ARID5B: variants seen among roughly 807,000 people sequenced by gnomAD.
ARID5B encodes the protein AT-rich interaction domain 5B, also known as AT-rich interactive domain-containing protein 5B.
A neutral mutation model predicts 97.2 loss-of-function variants in ARID5B; 13 were observed. The ratio of observed to expected loss-of-function variants is 0.13; its 90% CI spans 0.09 to 0.21. The LOEUF is 0.21. Ranked by LOEUF, ARID5B falls within the 10% of genes least tolerant of loss-of-function variation. ARID5B has a pLI of 1.00. For missense variants in ARID5B, 1,210 were observed against 1,465.3 expected (o/e 0.83, Z 2.84); for synonymous variants, 556 against 570.3 (o/e 0.97, Z 0.36).
chr10:61,982,621 G>A (rs918314171), intron 3 of ARID5B, among the ~76,000 whole-genome samples: 5 of 152,214 alleles, frequency 3.3e-5, no homozygotes, highest in Admixed American at 6.5e-5. Flanking sequence ...ATAAAAGAGC[G>A]TCCTAGCCCA....
At chr10:62,053,464 A>G (rs943651793) in intron 5 of ARID5B, among the ~76,000 whole-genome samples, 2 of 152,340 alleles carry the variant, frequency 1.3e-5, no homozygotes, top group African/African-American at 2.4e-5. Context: ...AGAGAATTAC[A>G]TGGCTCCCCA....
chr10:61,962,639 G>T (rs1345556521), intron 3 of ARID5B, among the ~76,000 whole-genome samples: 1 of 152,182 alleles, frequency 6.6e-6, no homozygotes, highest in Non-Finnish European at 1.5e-5. Flanking sequence ...GCATTCTGCC[G>T]TTGGCTAGAA....
chr10:61,945,770 G>A (rs1351218090), intron 3 of ARID5B, among the ~76,000 whole-genome samples: 2 of 151,946 alleles, frequency 1.3e-5, no homozygotes, highest in African/African-American at 4.8e-5. Context: ...GGTATTATTA[G>A]TACATTATTA....
At chr10:61,904,820 G>C (rs771116737) in intron 2 of ARID5B, among the ~76,000 whole-genome samples, 1 of 152,212 alleles carries the variant, frequency 6.6e-6, no homozygotes, top group Non-Finnish European at 1.5e-5. Context: ...AGACTGCATT[G>C]TGCAAAATAA....
Position 62,071,323 on chromosome 10 carries a change from C to G in ARID5B, c.1199+1526C>G, listed in dbSNP as rs1212425530. On this transcript the variant is annotated intron_variant, in intron 8 of 9. Transcript: ENST00000279873. The stretch of plus-strand genomic sequence containing the variant: ...TGCTGGGATTACAGGCGTGAGCCAC[C>G]ACACCCAGCCAGAACATTTTTACTA... Among the ~76,000 whole-genome samples, 4 of 152,206 alleles carry G rather than the reference C, an allele frequency of 2.6e-5. No homozygotes were observed. The East Asian group carries it at 7.7e-4, about 29-fold the overall frequency.
intron 4 of ARID5B, among the ~76,000 whole-genome samples, chr10:62,011,470 C>A (rs989735445): frequency 2.6e-5 from 4 of 151,910 alleles, no homozygotes; most frequent in Admixed American, 6.5e-5. Flanking sequence ...TAGAACAAAC[C>A]CAGGGACTGT....
rs1163603778 is a variant in ARID5B, at chr10:62,092,853, T to A, written c.3390T>A (p.Ile1130=). 4 of 1,614,208 alleles carry A rather than the reference T, an allele frequency of 2.5e-6. No homozygotes were observed. The highest frequency in any genetic ancestry group is 3.4e-6 in the Non-Finnish European group (4 of 1,180,038). The change falls in exon 10 of 10, where the codon ATT becomes ATA. Residue 1130 remains isoleucine, a synonymous_variant. Coordinates refer to ENST00000279873, the MANE Select transcript of ARID5B (RefSeq NM_032199.3). ...AFHSLVMQRG[I]FTSPTNSQQL... ...ACTCGCTTGTGATGCAAAGAGGAATTTTTACATCACCGACAAATTCTCAGC... is the reference window on the plus strand; with the variant it reads ...ACTCGCTTGTGATGCAAAGAGGAATATTTACATCACCGACAAATTCTCAGC...
rs1214775383 is a variant in ARID5B, at chr10:61,960,354, G to A, written c.502+19946G>A. 1.3e-5 allele frequency among the ~76,000 whole-genome samples: 2 copies of A among 152,084 alleles called. 1 individual carries two copies. Among genetic ancestry groups the A allele is most frequent in the South Asian group, 4.1e-4 (2 of 4,822 alleles). ...AACTCCTTTTGGTAAAGTGGAGCAC[G>A]TTTTGTAATGGAAACACATTTTCTA... is the stretch of plus-strand genomic sequence containing the variant. On this transcript the variant is annotated intron_variant, in intron 3 of 9. Coordinates refer to ENST00000279873, the MANE Select transcript of ARID5B (RefSeq NM_032199.3).
intron 9 of ARID5B, among the ~76,000 whole-genome samples, chr10:62,087,072 G>A (rs946543620): frequency 3.0e-4 from 45 of 152,028 alleles, no homozygotes; most frequent in Admixed American, 6.5e-4. Context: ...AGGCCGAGGC[G>A]GTGGATCACG....
intron 2 of ARID5B, among the ~76,000 whole-genome samples, chr10:61,907,650 G>T (rs1028619003): frequency 6.6e-6 from 1 of 152,258 alleles, no homozygotes; most frequent in African/African-American, 2.4e-5. Context: ...CTACCAAGCA[G>T]GCCTTTTAGA....
At chr10:62,066,100 A>G (rs1839985045) in intron 7 of ARID5B, among the ~76,000 whole-genome samples, 1 of 152,224 alleles carries the variant, frequency 6.6e-6, no homozygotes, top group Admixed American at 6.5e-5. Flanking sequence ...GAGAGAGGAC[A>G]TTGGACAACA....
At chr10:62,069,645 G>C (rs1195531684) in intron 7 of ARID5B, 55 bp from the exon 8 acceptor site, 48 of 1,485,012 alleles carry the variant, frequency 3.2e-5, no homozygotes, top group Non-Finnish European at 4.2e-5. Context: ...ATTGAAGCCT[G>C]GCACTATGAA....
In ARID5B at chr10:62,091,801, C is replaced by G. The variant is rs140019989; in HGVS notation, c.2338C>G (p.Arg780Gly). The change falls in exon 10 of 10, where the codon CGA becomes GGA. Residue 780 changes from arginine (R) to glycine (G), a missense_variant. By Grantham distance (125) the Arg-to-Gly change is moderately radical. Transcript: ENST00000279873. ...CATCTTTAAGCATGAGAAACTGAGT[C>G]GATCAGATCCCCACCGCTGCAGCTT... is the stretch of plus-strand genomic sequence containing the variant. ...NDIFKHEKLS[R>G]SDPHRCSFSK... 83 of 1,614,012 alleles carry G rather than the reference C, an allele frequency of 5.1e-5. No individual in the cohort carries two copies. In the African/African-American group the frequency reaches 9.7e-4, roughly 19 times the overall value.
At chr10:61,992,925 C>A (rs1327165000) in intron 3 of ARID5B, among the ~76,000 whole-genome samples, 1 of 152,196 alleles carries the variant, frequency 6.6e-6, no homozygotes, top group African/African-American at 2.4e-5. Flanking sequence ...ATAACCACAA[C>A]AGTGCAATAC....
intron 3 of ARID5B, among the ~76,000 whole-genome samples, chr10:61,994,712 G>A (rs1192281769): frequency 6.6e-6 from 1 of 152,030 alleles, no homozygotes; most frequent in Non-Finnish European, 1.5e-5. Context: ...TTACAGTTTC[G>A]CTATGGAATT....
intron 7 of ARID5B, among the ~76,000 whole-genome samples, chr10:62,065,968 A>G (rs1839982282): frequency 6.6e-6 from 1 of 152,088 alleles, no homozygotes; most frequent in Admixed American, 6.5e-5. Flanking sequence ...GCTTAGTGAG[A>G]GAGTTGATCA....
chr10:62,024,166 C>A (rs59977467), intron 4 of ARID5B, among the ~76,000 whole-genome samples: 1 of 152,202 alleles, frequency 6.6e-6, no homozygotes. Context: ...ACCAGATAAT[C>A]CATGAGGCCC....
chr10:62,045,545 G>T (rs1417692619), intron 4 of ARID5B, among the ~76,000 whole-genome samples: 3 of 151,778 alleles, frequency 2.0e-5, no homozygotes, highest in Non-Finnish European at 4.4e-5. Flanking sequence ...CCGCCTCCCG[G>T]GTTCAAGAGA....
At chr10:61,908,732 A>G (rs1009562165) in intron 2 of ARID5B, among the ~76,000 whole-genome samples, 4 of 144,916 alleles carry the variant, frequency 2.8e-5, no homozygotes, top group African/African-American at 5.1e-5. Flanking sequence ...CCCGGGAGGC[A>G]GAGCTTGCAG....
Sources: gnomAD v4.1 joint callset for allele counts (sites outside exome capture counted in the v4.1 genomes callset) on GRCh38, gnomAD v4.1.1 for gene constraint, MANE v1.5 for transcripts, NCBI Gene and HGNC (gene_info 2026-07-23, HGNC 2026-07-21) for gene names.